SGCZ: variants seen among roughly 807,000 people sequenced by gnomAD.
The protein encoded by SGCZ is sarcoglycan zeta.
Under a neutral mutation model 41.3 loss-of-function variants are expected in SGCZ, and 40 were observed. That is an observed-to-expected ratio of 0.97 (90% CI 0.75 to 1.26). SGCZ has a LOEUF of 1.26. Among genes scored for constraint, SGCZ ranks in the 50% most tolerant of loss-of-function variants. SGCZ has a pLI of 0.00. For missense variants in SGCZ, 552 were observed against 369.8 expected (o/e 1.49, Z -4.04); for synonymous variants, 206 against 137.5 (o/e 1.50, Z -3.49).
At chr8:15,199,866 G>A (rs57053901) in intron 1 of SGCZ, among the ~76,000 whole-genome samples, 11,935 of 152,192 alleles carry the variant, frequency 0.078, 560 homozygotes, top group Non-Finnish European at 0.11. Context: ...AATAGGACAA[G>A]CATTTCTTAA....
chr8:14,509,310 G>A (rs369772618), intron 2 of SGCZ, among the ~76,000 whole-genome samples: 4 of 152,154 alleles, frequency 2.6e-5, no homozygotes, highest in East Asian at 1.9e-4. Flanking sequence ...TTCAGCTAAC[G>A]CAAATAAAAA....
At chr8:14,435,339 A>C (rs1270406391) in intron 2 of SGCZ, among the ~76,000 whole-genome samples, 1 of 152,186 alleles carries the variant, frequency 6.6e-6, no homozygotes, top group Non-Finnish European at 1.5e-5. Context: ...CAATAATCCC[A>C]TAGTCTTAGC....
intron 1 of SGCZ, among the ~76,000 whole-genome samples, chr8:14,777,219 T>C (rs1038244170): frequency 6.6e-6 from 1 of 152,198 alleles, no homozygotes; most frequent in African/African-American, 2.4e-5. Flanking sequence ...AAAACTTTCA[T>C]CATGACGACT....
intron 1 of SGCZ, among the ~76,000 whole-genome samples, chr8:14,882,147 C>T (rs1804614978): frequency 6.6e-6 from 1 of 152,182 alleles, no homozygotes; most frequent in African/African-American, 2.4e-5. Context: ...CAGTTTCTAT[C>T]TGTAAGTGAA....
chr8:15,099,336 C>T (rs1322718695), intron 1 of SGCZ, among the ~76,000 whole-genome samples: 1 of 152,114 alleles, frequency 6.6e-6, no homozygotes, highest in Non-Finnish European at 1.5e-5. Context: ...CAACTGATCC[C>T]CCACTGTGAC....
chr8:14,129,046 T>A (rs946408359), intron 5 of SGCZ, among the ~76,000 whole-genome samples: 2 of 152,022 alleles, frequency 1.3e-5, no homozygotes, highest in Non-Finnish European at 1.5e-5. Flanking sequence ...AACACAGTCA[T>A]GTAAAAAACC....
chr8:14,103,390 C>T (rs1463120423), intron 6 of SGCZ, among the ~76,000 whole-genome samples: 1 of 152,152 alleles, frequency 6.6e-6, no homozygotes, highest in African/African-American at 2.4e-5. Flanking sequence ...CTTGGGGATG[C>T]ACCTGCCTGT....
chr8:15,148,592 C>A (rs998893354), intron 1 of SGCZ, among the ~76,000 whole-genome samples: 1 of 152,160 alleles, frequency 6.6e-6, no homozygotes, highest in African/African-American at 2.4e-5. Flanking sequence ...ATTATTTTTG[C>A]TTGATTAATA....
chr8:14,682,169 A>G (rs1585178909), intron 1 of SGCZ, among the ~76,000 whole-genome samples: 4 of 152,240 alleles, frequency 2.6e-5, no homozygotes, highest in Admixed American at 2.0e-4. Context: ...ATAGCCGATC[A>G]ATTTGTTCGA....
intron 1 of SGCZ, among the ~76,000 whole-genome samples, chr8:15,120,839 A>G (rs574714367): frequency 6.6e-6 from 1 of 152,286 alleles, no homozygotes; most frequent in Non-Finnish European, 1.5e-5. Context: ...TTGCATATGA[A>G]TACCTTGTAA....
At chr8:15,149,228 A>G (rs920833900) in intron 1 of SGCZ, among the ~76,000 whole-genome samples, 3 of 152,126 alleles carry the variant, frequency 2.0e-5, no homozygotes, top group South Asian at 2.1e-4. Context: ...ATCCCATTAA[A>G]TCCTATATGG....
chr8:15,203,756 A>G (rs968678510), intron 1 of SGCZ, among the ~76,000 whole-genome samples: 1 of 152,214 alleles, frequency 6.6e-6, no homozygotes, highest in African/African-American at 2.4e-5. Context: ...GCAGTGCTTC[A>G]AGATCAATAA....
At chr8:15,019,262 T>C (rs1175639748) in intron 1 of SGCZ, among the ~76,000 whole-genome samples, 1 of 152,140 alleles carries the variant, frequency 6.6e-6, no homozygotes, top group African/African-American at 2.4e-5. Flanking sequence ...GGGGCTATGG[T>C]TGTTTTCCAG....
chr8:15,013,480 T>G (rs958248510), intron 1 of SGCZ, among the ~76,000 whole-genome samples: 1 of 152,196 alleles, frequency 6.6e-6, no homozygotes, highest in Admixed American at 6.5e-5. Flanking sequence ...GTGAAATCAC[T>G]TAAGTAATGC....
At chr8:14,822,915 G>A (rs1802158673) in intron 1 of SGCZ, among the ~76,000 whole-genome samples, 1 of 152,030 alleles carries the variant, frequency 6.6e-6, no homozygotes, top group South Asian at 2.1e-4. Context: ...TTAACCAAAT[G>A]TAGTGCCATG....
chr8:14,377,750 A>G (rs535287131), intron 2 of SGCZ, among the ~76,000 whole-genome samples: 5 of 151,416 alleles, frequency 3.3e-5, no homozygotes, highest in East Asian at 3.9e-4. Flanking sequence ...TCATTGTTCA[A>G]TTCCCACCTA....
chr8:14,474,549 C>T (rs540230606), intron 2 of SGCZ, among the ~76,000 whole-genome samples: 16 of 152,006 alleles, frequency 1.1e-4, no homozygotes, highest in South Asian at 1.0e-3. Context: ...CTTTGTAGAG[C>T]GCTCCATGAA....
intron 1 of SGCZ, among the ~76,000 whole-genome samples, chr8:15,210,046 T>C (rs1801190117): frequency 6.6e-6 from 1 of 152,206 alleles, no homozygotes. Context: ...CAATACTTCT[T>C]ACTCATTACC....
In SGCZ at chr8:15,188,685, T is replaced by A. The variant is rs531969804; in HGVS notation, c.39+48900A>T. ...TTTATTTGCATAGAAATAATTACTGTTTTAAAGTTTTTCAATCTGCCATTT... is the reference window on the plus strand; with the variant it reads ...TTTATTTGCATAGAAATAATTACTGATTTAAAGTTTTTCAATCTGCCATTT... On this transcript the variant is annotated intron_variant, in intron 1 of 7. Coordinates refer to ENST00000382080, the MANE Select transcript of SGCZ (RefSeq NM_139167.4). Among the ~76,000 whole-genome samples the A allele has an allele frequency of 1.8e-3, 269 of 152,286 alleles. 1 individual carries two copies. The highest frequency in any genetic ancestry group is 6.1e-3 in the African/African-American group (255 of 41,576).
Sources: gnomAD v4.1 joint callset for allele counts (sites outside exome capture counted in the v4.1 genomes callset) on GRCh38, gnomAD v4.1.1 for gene constraint, MANE v1.5 for transcripts, NCBI Gene and HGNC (gene_info 2026-07-23, HGNC 2026-07-21) for gene names.